The following CRPPA variants were observed in gnomAD, a reference collection of about 807,000 sequenced individuals.
CRPPA encodes CDP-L-ribitol pyrophosphorylase A.
CRPPA carries 43 observed loss-of-function variants against 52.0 expected under a neutral mutation model. The observed-to-expected ratio is 0.83, with a 90% confidence interval of 0.65 to 1.07. The LOEUF is 1.07. Among genes scored for constraint, CRPPA ranks in the 50% least tolerant of loss-of-function variants. The pLI, the probability that CRPPA is intolerant of heterozygous loss-of-function variation, is 0.00. For synonymous variants in CRPPA, 250 were observed against 203.5 expected, an observed-to-expected ratio of 1.23 and a Z score of -1.94; for missense variants, 629 against 551.7, an observed-to-expected ratio of 1.14 and a Z score of -1.40.
chr7:16,268,079 T>G lies in CRPPA; in HGVS notation c.934-9067A>C, dbSNP rs144686147. 2.2e-3 allele frequency among the ~76,000 whole-genome samples: 330 copies of G among 152,212 alleles called. 1 individual carries two copies. Among genetic ancestry groups the G allele is most frequent in the African/African-American group, 7.3e-3 (304 of 41,550 alleles). On this transcript the variant is annotated intron_variant, in intron 6 of 9. Coordinates refer to ENST00000407010, the MANE Select transcript of CRPPA (RefSeq NM_001101426.4). Reference sequence around the variant, plus strand: ...TGAGGGACAACTGTATATAGAAGTATAATTGCAGCCTGTTTCCATATTAAA... The same window carrying G: ...TGAGGGACAACTGTATATAGAAGTAGAATTGCAGCCTGTTTCCATATTAAA...
intron 5 of CRPPA, among the ~76,000 whole-genome samples, chr7:16,285,538 T>C (rs1784406424): frequency 6.6e-6 from 1 of 152,136 alleles, no homozygotes; most frequent in South Asian, 2.1e-4. Flanking sequence ...CTTTTTTTTG[T>C]CTACAGCATT....
intron 3 of CRPPA, among the ~76,000 whole-genome samples, chr7:16,344,968 T>C: frequency 6.6e-6 from 1 of 151,880 alleles, no homozygotes; most frequent in Non-Finnish European, 1.5e-5. Flanking sequence ...AACTGCCCAA[T>C]TTTGATGAAA....
At chr7:16,359,651 G>A (rs980934552) in intron 3 of CRPPA, among the ~76,000 whole-genome samples, 3 of 152,132 alleles carry the variant, frequency 2.0e-5, no homozygotes, top group African/African-American at 7.2e-5. Flanking sequence ...ATTTACTCAG[G>A]AGAGGGAGCC....
At chr7:16,325,222 A>G (rs567462068) in intron 3 of CRPPA, among the ~76,000 whole-genome samples, 1 of 152,360 alleles carries the variant, frequency 6.6e-6, no homozygotes, top group South Asian at 2.1e-4. Context: ...TGAGAAAGGA[A>G]GTCAAACCTT....
rs1562643314 is a variant in CRPPA at position 16,342,812 on chromosome 7, TAG to T, written c.684+33278_684+33279del. 9.9e-5 allele frequency among the ~76,000 whole-genome samples: 10 copies of T among 101,142 alleles called. 1 individual carries two copies. Among genetic ancestry groups the T allele is most frequent in the Non-Finnish European group, 1.7e-4 (8 of 46,024 alleles). The allele number at this position is 101,142 out of a possible 152,430, so 66.4% of individuals were successfully genotyped here. ...ATATATATATATCTATATAGATATA[TAG>T]ATATACATATATAGATATATAGATA... On this transcript the variant is annotated intron_variant, in intron 3 of 9. Transcript: ENST00000407010.
At chr7:16,122,341 A>G (rs1352114640) in intron 9 of CRPPA, among the ~76,000 whole-genome samples, 1 of 152,046 alleles carries the variant, frequency 6.6e-6, no homozygotes, top group Admixed American at 6.6e-5. Flanking sequence ...TACAAGAAAG[A>G]AAGAGTCCAT....
chr7:16,311,836 T>C (rs771146887), intron 3 of CRPPA, among the ~76,000 whole-genome samples: 3 of 152,134 alleles, frequency 2.0e-5, no homozygotes, highest in Non-Finnish European at 1.5e-5. Flanking sequence ...CATGTGGTTG[T>C]CTAGTTGTTC....
intron 9 of CRPPA, among the ~76,000 whole-genome samples, chr7:16,115,771 T>C (rs1782358224): frequency 6.6e-6 from 1 of 152,148 alleles, no homozygotes; most frequent in South Asian, 2.1e-4. Context: ...GGAGCTCCCA[T>C]TCACCACATG....
chr7:16,266,482 CTTTT>C (rs71549980), intron 6 of CRPPA, among the ~76,000 whole-genome samples: 1 of 142,888 alleles, frequency 7.0e-6, no homozygotes, highest in Admixed American at 7.0e-5. Context: ...TTTTGTTTTT[CTTTT>C]TTTTTTTTTT....
chr7:16,192,234 T>C (rs1028157195), intron 9 of CRPPA, among the ~76,000 whole-genome samples: 1 of 152,082 alleles, frequency 6.6e-6, no homozygotes, highest in Admixed American at 6.6e-5. Flanking sequence ...ATGCTTACTG[T>C]TTGGGTGGAC....
intron 8 of CRPPA, among the ~76,000 whole-genome samples, chr7:16,233,647 T>C (rs1436145238): frequency 6.6e-6 from 1 of 152,150 alleles, no homozygotes; most frequent in Non-Finnish European, 1.5e-5. Context: ...TCTCAGCACA[T>C]GGATGCTGAG....
At chr7:16,161,776 G>C (rs1780895630) in intron 9 of CRPPA, among the ~76,000 whole-genome samples, 1 of 152,106 alleles carries the variant, frequency 6.6e-6, no homozygotes, top group Non-Finnish European at 1.5e-5. Context: ...GCTCCTATTT[G>C]TACCCCTGGT....
chr7:16,406,749 A>C, intron 1 of CRPPA, among the ~76,000 whole-genome samples: 1 of 152,238 alleles, frequency 6.6e-6, no homozygotes, highest in East Asian at 1.9e-4. Flanking sequence ...GAGATCTAAA[A>C]GTTGACTGTC....
chr7:16,289,806 G>A (rs981306284), intron 5 of CRPPA, among the ~76,000 whole-genome samples: 2 of 152,068 alleles, frequency 1.3e-5, no homozygotes, highest in Admixed American at 6.6e-5. Flanking sequence ...ATCCACCACA[G>A]TACTGGAAGT....
intron 9 of CRPPA, among the ~76,000 whole-genome samples, chr7:16,102,155 C>T (rs747587913): frequency 6.6e-5 from 10 of 152,090 alleles, no homozygotes; most frequent in Non-Finnish European, 1.3e-4. Context: ...TAACACCACA[C>T]GTCTACAGCC....
chr7:16,235,005 G>A (rs1430884564), intron 8 of CRPPA, among the ~76,000 whole-genome samples: 1 of 152,088 alleles, frequency 6.6e-6, no homozygotes, highest in Non-Finnish European at 1.5e-5. Context: ...ATAAGGAAAT[G>A]AGAAAGACAG....
At chr7:16,098,017 T>G (rs1781969006) in intron 9 of CRPPA, among the ~76,000 whole-genome samples, 1 of 152,208 alleles carries the variant, frequency 6.6e-6, no homozygotes, top group South Asian at 2.1e-4. Flanking sequence ...GTACTTAATA[T>G]TGACAAGCTT....
chr7:16,094,488 A>G (rs1390931265), intron 9 of CRPPA, among the ~76,000 whole-genome samples: 1 of 152,242 alleles, frequency 6.6e-6, no homozygotes, highest in East Asian at 1.9e-4. Context: ...CAGCAAACAT[A>G]CAAAAAAAAT....
chr7:16,195,895 T>A (rs993110943), intron 9 of CRPPA, among the ~76,000 whole-genome samples: 1 of 152,012 alleles, frequency 6.6e-6, no homozygotes, highest in African/African-American at 2.4e-5. Context: ...CATCCAAAGC[T>A]GAGGAAAGGC....
Sources: allele counts gnomAD v4.1 joint callset (sites outside exome capture counted in the v4.1 genomes callset), GRCh38; gene constraint gnomAD v4.1.1; transcripts MANE v1.5; gene names NCBI Gene and HGNC (gene_info 2026-07-23, HGNC 2026-07-21).